The following DLG2 variants were observed in gnomAD, a reference collection of about 807,000 sequenced individuals.
The protein encoded by DLG2 is discs large MAGUK scaffold protein 2.
In DLG2, 45 loss-of-function variants were observed where a neutral mutation model predicts 132.5. That is an observed-to-expected ratio of 0.34 (90% CI 0.27 to 0.44). The LOEUF is 0.44. Among genes scored for constraint, DLG2 ranks in the 20% least tolerant of loss-of-function variants. The pLI is 1.00. For synonymous variants in DLG2, 424 were observed against 419.6 expected (o/e 1.01, Z -0.13); for missense variants, 1,045 against 1,196.9 (o/e 0.87, Z 1.87).
At chr11:85,190,518 T>G (rs1490546139) in intron 4 of DLG2, among the ~76,000 whole-genome samples, 1 of 151,782 alleles carries the variant, frequency 6.6e-6, no homozygotes, top group Admixed American at 6.6e-5. Flanking sequence ...CAAGATAAGC[T>G]ACACTGAATG....
intron 7 of DLG2, among the ~76,000 whole-genome samples, chr11:84,521,970 G>C (rs746333665): frequency 3.3e-5 from 5 of 152,062 alleles, no homozygotes; most frequent in African/African-American, 9.7e-5. Flanking sequence ...AGACCAGCCT[G>C]GCCAACATGA....
intron 6 of DLG2, among the ~76,000 whole-genome samples, chr11:84,976,407 A>T (rs748050906): frequency 1.2e-4 from 18 of 152,144 alleles, no homozygotes; most frequent in Non-Finnish European, 2.5e-4. Flanking sequence ...GTCACACATA[A>T]CAGAGAACCT....
chr11:84,193,365 A>C (rs1231349861), intron 8 of DLG2, among the ~76,000 whole-genome samples: 1 of 152,232 alleles, frequency 6.6e-6, no homozygotes, highest in African/African-American at 2.4e-5. Flanking sequence ...TAAGCAGGAC[A>C]GAGAGAAGAT....
chr11:84,564,323 AC>A (rs1331784126), intron 6 of DLG2, among the ~76,000 whole-genome samples: 4 of 152,340 alleles, frequency 2.6e-5, no homozygotes, highest in African/African-American at 9.6e-5. Context: ...CCCTGTCAGC[AC>A]TGAACTGTGG....
chr11:84,034,497 T>A (rs2095806496), intron 11 of DLG2, among the ~76,000 whole-genome samples: 1 of 152,170 alleles, frequency 6.6e-6, no homozygotes, highest in African/African-American at 2.4e-5. Context: ...ATTTTGAAGC[T>A]TTTCCTTGAA....
chr11:83,637,917 C>T (rs1444987482), intron 18 of DLG2, among the ~76,000 whole-genome samples: 2 of 152,176 alleles, frequency 1.3e-5, no homozygotes, highest in Admixed American at 6.5e-5. Flanking sequence ...CAGAACAGGA[C>T]ATTGACAGGA....
At chr11:83,730,482 C>G (rs775661205) in intron 18 of DLG2, among the ~76,000 whole-genome samples, 2 of 152,134 alleles carry the variant, frequency 1.3e-5, no homozygotes, top group Non-Finnish European at 2.9e-5. Flanking sequence ...TGGGAAAACT[C>G]TCTGCCCTCC....
At chr11:85,558,091 G>A (rs2077033953) in intron 3 of DLG2, among the ~76,000 whole-genome samples, 1 of 151,654 alleles carries the variant, frequency 6.6e-6, no homozygotes, top group African/African-American at 2.4e-5. Context: ...AATCTATAAG[G>A]AACTTAATTC....
At chr11:85,141,386 G>A (rs904977643) in intron 5 of DLG2, among the ~76,000 whole-genome samples, 2 of 151,690 alleles carry the variant, frequency 1.3e-5, no homozygotes, top group African/African-American at 4.8e-5. Flanking sequence ...TCTCTGTTCA[G>A]ATCTTTTGTC....
intron 14 of DLG2, among the ~76,000 whole-genome samples, chr11:83,945,998 T>C (rs2083836461): frequency 6.8e-6 from 1 of 148,140 alleles, no homozygotes; most frequent in Admixed American, 6.7e-5. Flanking sequence ...TCTCTCTTTT[T>C]TTTTTTTTTT....
chr11:84,891,365 T>G (rs2089360048), intron 6 of DLG2, among the ~76,000 whole-genome samples: 1 of 152,158 alleles, frequency 6.6e-6, no homozygotes, highest in African/African-American at 2.4e-5. Context: ...TGTGTTAATT[T>G]TGTAATAAGG....
chr11:84,422,275 T>C (rs1322640174), intron 7 of DLG2, among the ~76,000 whole-genome samples: 1 of 152,230 alleles, frequency 6.6e-6, no homozygotes, highest in Non-Finnish European at 1.5e-5. Flanking sequence ...TTACCTCTAG[T>C]ATCCCTATTT....
intron 18 of DLG2, among the ~76,000 whole-genome samples, chr11:83,719,982 A>C (rs1317443765): frequency 6.6e-6 from 1 of 152,106 alleles, no homozygotes; most frequent in Non-Finnish European, 1.5e-5. Flanking sequence ...ACTGTGAATA[A>C]GAAAATCTTA....
intron 18 of DLG2, among the ~76,000 whole-genome samples, chr11:83,699,817 C>G (rs1566594810): frequency 1.3e-5 from 1 of 79,862 alleles, no homozygotes; most frequent in Admixed American, 9.2e-5. Flanking sequence ...AAAAATTTAT[C>G]TATCTATCTA....
chr11:84,284,581 T>C (rs751642153), intron 7 of DLG2, among the ~76,000 whole-genome samples: 6 of 152,220 alleles, frequency 3.9e-5, no homozygotes, highest in Non-Finnish European at 8.8e-5. Context: ...CCAGGTCTTG[T>C]TTGCACATAG....
chr11:85,464,384 C>T (rs897265493), intron 3 of DLG2, among the ~76,000 whole-genome samples: 3 of 151,936 alleles, frequency 2.0e-5, no homozygotes, highest in South Asian at 2.1e-4. Flanking sequence ...ATGGTTTTTA[C>T]GGACAACTTG....
chr11:85,285,496 A>C, intron 3 of DLG2, 131 bp from the exon 4 acceptor site: 1 of 742,214 alleles, frequency 1.3e-6, no homozygotes, highest in Non-Finnish European at 2.1e-6. Flanking sequence ...TATATCCCAA[A>C]GTAAAACAGA....
At chr11:83,839,085 A>C (rs746843170) in intron 16 of DLG2, among the ~76,000 whole-genome samples, 2 of 152,184 alleles carry the variant, frequency 1.3e-5, no homozygotes, top group Admixed American at 6.5e-5. Flanking sequence ...TGACCTTTGC[A>C]CTTTGACATA....
intron 22 of DLG2, chr11:83,480,232 G>A (rs983249483): frequency 1.0e-5 from 7 of 701,650 alleles, no homozygotes; most frequent in African/African-American, 1.8e-5. Context: ...CACATCCAGT[G>A]ATTTCATTTC....
Sources: allele counts gnomAD v4.1 joint callset (sites outside exome capture counted in the v4.1 genomes callset), GRCh38; gene constraint gnomAD v4.1.1; transcripts MANE v1.5; gene names NCBI Gene and HGNC (gene_info 2026-07-23, HGNC 2026-07-21).